Variants in NBEA observed in about 807,000 individuals in gnomAD.
The protein encoded by NBEA is lysosomal-trafficking regulator 2.
NBEA carries 44 observed loss-of-function variants against 343.4 expected under a neutral mutation model. The ratio of observed to expected loss-of-function variants is 0.13; its 90% CI spans 0.10 to 0.16. The LOEUF is 0.16. Ranked by LOEUF, NBEA falls within the 10% of genes least tolerant of loss-of-function variation. NBEA has a pLI of 1.00. For missense variants in NBEA, 2,555 were observed against 3,631.3 expected (o/e 0.70, Z 7.62); for synonymous variants, 1,175 against 1,238.7 (o/e 0.95, Z 1.08).
At chr13:35,477,639 G>T (rs2075935387) in intron 41 of NBEA, among the ~76,000 whole-genome samples, 1 of 152,138 alleles carries the variant, frequency 6.6e-6, no homozygotes, top group East Asian at 1.9e-4. Flanking sequence ...GGGGTATCTG[G>T]CTTGTTTACA....
At chr13:35,145,415 G>T (rs1287331475) in intron 18 of NBEA, among the ~76,000 whole-genome samples, 1 of 152,160 alleles carries the variant, frequency 6.6e-6, no homozygotes, top group Admixed American at 6.5e-5. Context: ...TGGGTGGAGA[G>T]ACTGGATACC....
intron 31 of NBEA, among the ~76,000 whole-genome samples, chr13:35,206,678 A>T (rs904243281): frequency 6.6e-6 from 1 of 152,130 alleles, no homozygotes; most frequent in African/African-American, 2.4e-5. Flanking sequence ...ATTAACATTT[A>T]TAATACACTT....
At chr13:35,054,643 CTTTTTTTT>C (rs1186551019) in intron 6 of NBEA, among the ~76,000 whole-genome samples, 6 of 117,452 alleles carry the variant, frequency 5.1e-5, no homozygotes, top group African/African-American at 9.4e-5. Context: ...GTTTTCTTTT[CTTTTTTTT>C]TTTTTTTTTT....
intron 36 of NBEA, among the ~76,000 whole-genome samples, chr13:35,328,451 G>A (rs1350438180): frequency 6.6e-6 from 1 of 151,838 alleles, no homozygotes; most frequent in Non-Finnish European, 1.5e-5. Flanking sequence ...GCACAACAGG[G>A]TGACTATGGC....
intron 25 of NBEA, among the ~76,000 whole-genome samples, chr13:35,170,591 A>T (rs1473305452): frequency 6.6e-6 from 1 of 151,896 alleles, no homozygotes; most frequent in African/African-American, 2.4e-5. Context: ...ATGTAGTGAA[A>T]GTACAGTTTT....
intron 41 of NBEA, among the ~76,000 whole-genome samples, chr13:35,519,080 C>G (rs9600891): frequency 6.6e-6 from 1 of 152,040 alleles, no homozygotes; most frequent in Non-Finnish European, 1.5e-5. Context: ...CAAGCAATCT[C>G]TCAGACTGCC....
At chr13:34,992,224 G>A (rs865830213) in intron 1 of NBEA, among the ~76,000 whole-genome samples, 12 of 103,162 alleles carry the variant, frequency 1.2e-4, no homozygotes, top group African/African-American at 4.1e-4. Context: ...GTGTGTATAT[G>A]TGTGTGTGTG....
At chr13:35,082,171 G>GT (rs536852586) in intron 10 of NBEA, among the ~76,000 whole-genome samples, 2 of 151,896 alleles carry the variant, frequency 1.3e-5, no homozygotes, top group African/African-American at 4.8e-5. Context: ...GCGGTGTTTG[G>GT]TTTTTTTGTC....
At chr13:35,535,470 G>A (rs1939254170) in intron 41 of NBEA, among the ~76,000 whole-genome samples, 1 of 152,154 alleles carries the variant, frequency 6.6e-6, no homozygotes, top group Admixed American at 6.5e-5. Flanking sequence ...AGAGAATAAA[G>A]TACACTGAAA....
chr13:35,434,256 CTAT>C (rs1420349617), intron 39 of NBEA, among the ~76,000 whole-genome samples: 2 of 151,912 alleles, frequency 1.3e-5, no homozygotes, highest in African/African-American at 4.8e-5. Context: ...AAAATAGTAA[CTAT>C]TGTTAATGAA....
chr13:34,985,672 A>C (rs1039547343), intron 1 of NBEA, among the ~76,000 whole-genome samples: 1 of 150,650 alleles, frequency 6.6e-6, no homozygotes, highest in Non-Finnish European at 1.5e-5. Flanking sequence ...CTGGTCCTGG[A>C]CTTTTTTTGG....
At chr13:35,363,718 A>G (rs984749958) in intron 38 of NBEA, among the ~76,000 whole-genome samples, 1 of 151,830 alleles carries the variant, frequency 6.6e-6, no homozygotes, top group Non-Finnish European at 1.5e-5. Flanking sequence ...TAAAACATCT[A>G]TCCGATTCGA....
In NBEA at chr13:35,173,488, G is replaced by C. The variant is rs748951853; in HGVS notation, c.4448G>C (p.Cys1483Ser). 5.3e-5 allele frequency: 85 copies of C among 1,609,634 alleles called. No homozygotes were observed. The highest frequency in any genetic ancestry group is 6.9e-5 in the Non-Finnish European group (81 of 1,177,362). ...RLVCCVAVRN[C>S]LECRQRQRDR... ...GTTTGTTGTGTTGCTGTGAGAAACT[G>C]TTTAGAATGTCGGCAAAGACAGAGA... The change falls in exon 27 of 59, where the codon TGT (cysteine) becomes TCT (serine). Residue 1483 changes from cysteine to serine, a missense_variant. Coordinates refer to ENST00000379939, the MANE Select transcript of NBEA (RefSeq NM_001385012.1).
chr13:35,623,213 A>C (rs954863900), intron 48 of NBEA, among the ~76,000 whole-genome samples: 5 of 152,192 alleles, frequency 3.3e-5, no homozygotes, highest in African/African-American at 1.2e-4. Context: ...ATTGTACTAA[A>C]AATCCCGTTT....
chr13:35,279,606 A>C (rs899079213), intron 34 of NBEA, among the ~76,000 whole-genome samples: 38 of 152,192 alleles, frequency 2.5e-4, no homozygotes, highest in Middle Eastern at 3.2e-3. Context: ...AATACAATGA[A>C]TTAGAAAGTA....
chr13:35,366,340 A>G (rs543491411), intron 38 of NBEA, among the ~76,000 whole-genome samples: 4 of 151,600 alleles, frequency 2.6e-5, no homozygotes, highest in Non-Finnish European at 4.4e-5. Flanking sequence ...GATAACACTT[A>G]CTAGAACATA....
At chr13:35,223,121 G>A (rs575420092) in intron 33 of NBEA, among the ~76,000 whole-genome samples, 50 of 152,230 alleles carry the variant, frequency 3.3e-4, no homozygotes, top group Non-Finnish European at 5.7e-4. Context: ...GACAGAGTGC[G>A]ACTCTGTCTT....
chr13:34,973,547 A>G (rs771253970), intron 1 of NBEA, among the ~76,000 whole-genome samples: 22 of 151,940 alleles, frequency 1.4e-4, no homozygotes, highest in Non-Finnish European at 2.5e-4. Context: ...TGAAAAACGG[A>G]TCAGTCTGGT....
chr13:35,316,889 T>G (rs2037774578), intron 36 of NBEA, among the ~76,000 whole-genome samples: 1 of 152,234 alleles, frequency 6.6e-6, no homozygotes, highest in African/African-American at 2.4e-5. Context: ...ATATACTTGT[T>G]GACCACATAA....
Sources: allele counts gnomAD v4.1 joint callset (sites outside exome capture counted in the v4.1 genomes callset), GRCh38; gene constraint gnomAD v4.1.1; transcripts MANE v1.5; gene names NCBI Gene and HGNC (gene_info 2026-07-23, HGNC 2026-07-21).